The following VPS41 variants were observed in gnomAD, a reference collection of about 807,000 sequenced individuals.
VPS41 encodes the protein VPS41 subunit of HOPS complex, also known as vacuolar protein sorting-associated protein 41 homolog.
In VPS41, 85 loss-of-function variants were observed where a neutral mutation model predicts 130.9. The ratio of observed to expected loss-of-function variants is 0.65; its 90% confidence interval spans 0.55 to 0.78. The LOEUF (loss-of-function observed/expected upper bound fraction) is 0.78. Ranked by LOEUF, VPS41 falls within the 30% of genes least tolerant of loss-of-function variation. The pLI, the probability that VPS41 is intolerant of heterozygous loss-of-function variation, is 0.00. For synonymous variants in VPS41, 335 were observed against 332.9 expected (o/e 1.01, Z -0.07); for missense variants, 874 against 1,018.7 (o/e 0.86, Z 1.93).
intron 1 of VPS41, among the ~76,000 whole-genome samples, chr7:38,908,142 A>T (rs3801111): frequency 0.26 from 39,088 of 152,054 alleles, 6,426 homozygotes; most frequent in Non-Finnish European, 0.38. Flanking sequence ...TAGGTAAATG[A>T]CTCTTATGAT....
intron 4 of VPS41, chr7:38,831,172 T>C (rs1157219341): frequency 2.1e-6 from 1 of 469,776 alleles, no homozygotes; most frequent in South Asian, 1.6e-5. Flanking sequence ...ACTACATTTT[T>C]TTAAATATCG....
intron 7 of VPS41, among the ~76,000 whole-genome samples, chr7:38,800,073 C>T (rs1042149405): frequency 2.0e-5 from 3 of 151,986 alleles, no homozygotes; most frequent in African/African-American, 4.8e-5. Flanking sequence ...TAGAAACTTA[C>T]GCTAAGAAAT....
chr7:38,904,685 A>C (rs1787218447), intron 1 of VPS41, among the ~76,000 whole-genome samples: 1 of 152,212 alleles, frequency 6.6e-6, no homozygotes, highest in African/African-American at 2.4e-5. Context: ...CAGGCAAGAA[A>C]ATCGAAGCAC....
At chr7:38,801,688 T>C (rs1275480060) in intron 7 of VPS41, among the ~76,000 whole-genome samples, 2 of 152,208 alleles carry the variant, frequency 1.3e-5, no homozygotes, top group Admixed American at 1.3e-4. Context: ...TTCACTGAGA[T>C]TGGTGTGTTT....
chr7:38,747,485 T>A (rs1796010742), intron 22 of VPS41, among the ~76,000 whole-genome samples: 1 of 152,222 alleles, frequency 6.6e-6, no homozygotes, highest in Non-Finnish European at 1.5e-5. Flanking sequence ...TATTAAAAGG[T>A]ATCCATGAAT....
chr7:38,805,022 A>G (rs1784811881), intron 7 of VPS41, among the ~76,000 whole-genome samples: 1 of 152,236 alleles, frequency 6.6e-6, no homozygotes, highest in African/African-American at 2.4e-5. Flanking sequence ...GAGATAACAG[A>G]AAAGTCATCC....
intron 10 of VPS41, 24 bp downstream of exon 10, chr7:38,789,777 A>C: frequency 6.2e-7 from 1 of 1,612,604 alleles, no homozygotes; most frequent in Non-Finnish European, 8.5e-7. Context: ...TTACATCCAC[A>C]GAAGGCAAGT....
At chr7:38,838,808 G>T (rs1785546854) in intron 4 of VPS41, among the ~76,000 whole-genome samples, 1 of 152,178 alleles carries the variant, frequency 6.6e-6, no homozygotes, top group African/African-American at 2.4e-5. Flanking sequence ...ACTTAGTATG[G>T]ATTATGTCAG....
chr7:38,727,838 CT>C, intron 27 of VPS41, among the ~76,000 whole-genome samples: 1 of 152,304 alleles, frequency 6.6e-6, no homozygotes, highest in Middle Eastern at 3.4e-3. Context: ...TTAGTTTCCG[CT>C]TTTGAATTAT....
At chr7:38,837,214 A>G (rs749365273) in intron 4 of VPS41, among the ~76,000 whole-genome samples, 1 of 151,798 alleles carries the variant, frequency 6.6e-6, no homozygotes, top group Non-Finnish European at 1.5e-5. Flanking sequence ...TAGGCCTGCC[A>G]TACCCAATCG....
At chr7:38,772,722 C>G in intron 12 of VPS41, 85 bp from the exon 13 acceptor site, 5 of 835,756 alleles carry the variant, frequency 6.0e-6, no homozygotes, top group Non-Finnish European at 7.9e-6. Flanking sequence ...GTTAGGTTAC[C>G]CAACCCAAGA....
chr7:38,863,862 G>T (rs1005098305), intron 3 of VPS41, among the ~76,000 whole-genome samples: 1 of 152,208 alleles, frequency 6.6e-6, no homozygotes, highest in African/African-American at 2.4e-5. Flanking sequence ...TTGGGCGCTG[G>T]AAGGGAAAGG....
At chr7:38,733,579 T>C (rs996649688) in intron 25 of VPS41, among the ~76,000 whole-genome samples, 4 of 152,146 alleles carry the variant, frequency 2.6e-5, no homozygotes, top group African/African-American at 9.7e-5. Flanking sequence ...CTTTCAAAGA[T>C]CAATCATTTT....
rs756219816 is a variant in VPS41, at chr7:38,817,794, A to AG, written c.450+22dup. The AG allele has an allele frequency of 4.9e-4, 782 of 1,603,622 alleles. 1 individual carries two copies. The highest frequency in any genetic ancestry group is 6.3e-4 in the Non-Finnish European group (739 of 1,170,538). ...CAACACCCCTCAAGGCTACATATCA[A>AG]GGTAGAGACACACAGCACTTACCTT... On this transcript the variant is annotated intron_variant, in intron 7 of 28. Transcript: ENST00000310301.
In VPS41 at chr7:38,726,218, G is replaced by A. The variant is rs373541205; in HGVS notation, c.*28C>T. The A allele has an allele frequency of 8.7e-5, 132 of 1,525,476 alleles. No individual in the cohort carries two copies. Among genetic ancestry groups the A allele is most frequent in the Non-Finnish European group, 1.1e-4 (123 of 1,099,302 alleles). The allele number at this position is 1,525,476 out of a possible 1,614,324, so 94.5% of individuals were successfully genotyped here. ...CAAAAACAGTCTCAAAAAGAGTGGT[G>A]ACAAGGAGACTGACAAGGAGAAATG... On this transcript the variant is annotated 3_prime_UTR_variant, in exon 29 of 29. Transcript: ENST00000310301.
At chr7:38,726,880 A>G (rs758152889) in intron 28 of VPS41, 29 bp downstream of exon 28, 226 of 1,482,784 alleles carry the variant, frequency 1.5e-4, no homozygotes, top group Non-Finnish European at 2.0e-4. Flanking sequence ...ATTTCCCTCT[A>G]GTTGATAGGT....
intron 5 of VPS41, among the ~76,000 whole-genome samples, chr7:38,826,159 C>T (rs1422258389): frequency 6.6e-6 from 1 of 152,170 alleles, no homozygotes; most frequent in Non-Finnish European, 1.5e-5. Flanking sequence ...CCCCAGGGAG[C>T]TGCCTTCATT....
chr7:38,759,134 G>C (rs1783864678), intron 17 of VPS41, among the ~76,000 whole-genome samples: 1 of 152,242 alleles, frequency 6.6e-6, no homozygotes, highest in Admixed American at 6.5e-5. Flanking sequence ...TGACCAGTCG[G>C]AAGTACAGGT....
rs772553552 is a variant in VPS41 at position 38,864,214 on chromosome 7, G to T, written c.169-1592C>A. On this transcript the variant is annotated intron_variant, in intron 3 of 28. Transcript: ENST00000310301. ...TGGATCTTTAAAACGCTTTAATGCT[G>T]CCATTCTCTGACACCTCTGTAAAGG... Among the ~76,000 whole-genome samples the T allele has an allele frequency of 5.3e-4, 81 of 152,116 alleles. 2 individuals carry two copies. Among genetic ancestry groups the T allele is most frequent in the Admixed American group, 7.2e-4 (11 of 15,282 alleles).
Sources: allele counts gnomAD v4.1 joint callset (sites outside exome capture counted in the v4.1 genomes callset), GRCh38; gene constraint gnomAD v4.1.1; transcripts MANE v1.5; gene names NCBI Gene and HGNC (gene_info 2026-07-23, HGNC 2026-07-21).